PUS7L: variants seen among roughly 807,000 people sequenced by gnomAD.
The protein encoded by PUS7L is pseudouridylate synthase PUS7L.
In PUS7L, 49 loss-of-function variants were observed where a neutral mutation model predicts 51.1. The ratio of observed to expected loss-of-function variants is 0.96; its 90% CI spans 0.76 to 1.22. The LOEUF is 1.22. Ranked by LOEUF, PUS7L falls within the 50% of genes most tolerant of loss-of-function variation. The probability of loss-of-function intolerance (pLI) is 0.00; values close to 1 mark genes in which losing one functional copy is unlikely to be tolerated. For missense variants in PUS7L, 828 were observed against 820.6 expected, an observed-to-expected ratio of 1.01 and a Z score of -0.11; for synonymous variants, 277 against 276.2, an observed-to-expected ratio of 1.00 and a Z score of -0.03.
rs1445531689 is a variant in PUS7L, at chr12:43,746,040, T to C, written c.1263+6A>G. 1.4e-6 allele frequency: 2 copies of C among 1,406,822 alleles called. No individual in the cohort carries two copies. Among genetic ancestry groups the C allele is most frequent in the South Asian group, 2.5e-5 (2 of 80,612 alleles). The allele number at this position is 1,406,822 out of a possible 1,614,324, so 87.1% of individuals were successfully genotyped here. ...CTGGATGCCTTTTAAAATTAAGTTT[T>C]CTTACCTTAACATTTTCTATTGCTT... On this transcript the variant is annotated splice_donor_region_variant and intron_variant, in intron 4 of 8. Coordinates refer to ENST00000344862, the MANE Select transcript of PUS7L (RefSeq NM_031292.5).
At chr12:43,735,244 G>C (rs1944658502) in intron 7 of PUS7L, among the ~76,000 whole-genome samples, 2 of 151,982 alleles carry the variant, frequency 1.3e-5, no homozygotes, top group African/African-American at 2.4e-5. Flanking sequence ...GTGAACCCGG[G>C]AGGCAGAGCT....
chr12:43,753,161 A>G (rs1309889852), intron 2 of PUS7L, among the ~76,000 whole-genome samples: 1 of 152,206 alleles, frequency 6.6e-6, no homozygotes, highest in African/African-American at 2.4e-5. Flanking sequence ...CAAAATGGAT[A>G]TATCTGTTAA....
In PUS7L at chr12:43,728,285, T is replaced by G. The variant is rs2137651463; in HGVS notation, c.*2091A>C. ...GTGATGAAATAAACTTAGTGTTCCT[T>G]TATACACTGCTGAAGTATTTACTAA... On this transcript the variant is annotated 3_prime_UTR_variant, in exon 9 of 9. Transcript: ENST00000344862. 6.6e-6 allele frequency: 1 copy of G among 152,282 alleles called. No individual in the cohort carries two copies. Among genetic ancestry groups the G allele is most frequent in the Non-Finnish European group, 1.5e-5 (1 of 68,000 alleles). 9.4% of individuals were successfully genotyped at this position (152,282 alleles called of 1,614,324 possible). A position where few individuals can be genotyped will look rare whatever the true frequency, so the allele number is the denominator to read the frequency against.
At chr12:43,746,845 G>A (rs9971895) in intron 3 of PUS7L, among the ~76,000 whole-genome samples, 13,511 of 152,034 alleles carry the variant, frequency 0.089, 1,463 homozygotes, top group African/African-American at 0.26. Context: ...AGTTTTTTGC[G>A]TCTGCTAAAA....
In PUS7L at chr12:43,755,160, C is replaced by A. The variant is rs149787201; in HGVS notation, c.86G>T (p.Ser29Ile). ...DHVGFHGTIKSSPSDFIVIEI... is the reference protein window; with the variant it reads ...DHVGFHGTIKISPSDFIVIEI... ...AATAACAATAAAGTCACTTGGTGAG[C>A]TTTTTATAGTGCCATGAAATCCAAC... Residue 29 changes from serine to isoleucine, a missense_variant, in exon 2 of 9, where the codon AGC (serine) becomes ATC (isoleucine). Coordinates refer to ENST00000344862, the MANE Select transcript of PUS7L (RefSeq NM_031292.5). 1,549 of 1,613,072 alleles carry A rather than the reference C, an allele frequency of 9.6e-4. 5 individuals are homozygous for A. The highest frequency in any genetic ancestry group is 6.1e-4 in the Non-Finnish European group (719 of 1,179,336).
Position 43,726,757 on chromosome 12 carries a change from G to A in PUS7L, c.*3619C>T, listed in dbSNP as rs1161198959. The A allele has an allele frequency of 5.3e-5, 8 of 152,096 alleles. No homozygotes were observed. The highest frequency in any genetic ancestry group is 1.9e-4 in the African/African-American group (8 of 41,470). The allele number at this position is 152,096 out of a possible 1,614,324, so 9.4% of individuals were successfully genotyped here. On this transcript the variant is annotated 3_prime_UTR_variant, in exon 9 of 9. Coordinates refer to ENST00000344862, the MANE Select transcript of PUS7L (RefSeq NM_031292.5). ...GCAGGAGAATGGCTTGAACCCAGGAGGAGGAGGTTGCAGTGAGCCGAGATT... is the reference window on the plus strand; with the variant it reads ...GCAGGAGAATGGCTTGAACCCAGGAAGAGGAGGTTGCAGTGAGCCGAGATT...
Position 43,748,610 on chromosome 12 carries a change from C to A in PUS7L, c.911-1G>T, listed in dbSNP as rs1189620423. 6.4e-7 allele frequency: 1 copy of A among 1,570,154 alleles called. No individual in the cohort carries two copies. Among genetic ancestry groups the A allele is most frequent in the Admixed American group, 2.2e-5 (1 of 46,344 alleles). The stretch of plus-strand genomic sequence containing the variant: ...AGGTTTTCCTTTCGTAGGGTAAAAG[C>A]TGAAACAAAAAAAAAACTTAGATCA... On this transcript the variant is annotated splice_acceptor_variant, in intron 2 of 8. Coordinates refer to ENST00000344862, the MANE Select transcript of PUS7L (RefSeq NM_031292.5). LOFTEE classifies it high-confidence loss of function.
intron 5 of PUS7L, chr12:43,740,966 A>ACTG (rs1937871521): frequency 6.6e-6 from 1 of 152,168 alleles, no homozygotes; most frequent in Non-Finnish European, 1.5e-5. Context: ...CAATTGTGTG[A>ACTG]CTGCAGCCTC....
intron 6 of PUS7L, 165 bp from the exon 7 acceptor site, chr12:43,736,826 A>G (rs1944705377): frequency 1.7e-6 from 1 of 576,312 alleles, no homozygotes; most frequent in Non-Finnish European, 3.0e-6. Context: ...AAAAAAAATA[A>G]TAAGCATAAT....
chr12:43,751,022 C>T (rs377500070), intron 2 of PUS7L, among the ~76,000 whole-genome samples: 4 of 152,136 alleles, frequency 2.6e-5, no homozygotes, highest in South Asian at 4.1e-4. Context: ...TTTATTGTTG[C>T]GTAACAAGTC....
In PUS7L at chr12:43,754,364, T is replaced by G. The variant is rs1407999398; in HGVS notation, c.882A>C (p.Glu294Asp). 6.3e-7 allele frequency: 1 copy of G among 1,598,830 alleles called. No homozygotes were observed. Residue 294 changes from glutamate to aspartate, a missense_variant, in exon 2 of 9, where the codon GAA (glutamate) becomes GAC (aspartate). Transcript: ENST00000344862. ...AHKRGKRPLS[E>D]CQEGKVIYTA... ...TATATATAACTTTTCCTTCTTGGCA[T>G]TCAGAAAGAGGCCTTTTCCCACGTT...
In PUS7L at chr12:43,730,300, G is replaced by C. The variant is rs1173027601; in HGVS notation, c.*76C>G. The C allele has an allele frequency of 2.0e-6, 2 of 1,001,232 alleles. No individual in the cohort carries two copies. Among genetic ancestry groups the C allele is most frequent in the Non-Finnish European group, 3.0e-6 (2 of 665,802 alleles). 62.0% of individuals were successfully genotyped at this position (1,001,232 alleles called of 1,614,324 possible). ...AACAATTATGAAGTTCCTAACACAT[G>C]GAAGGTGCTTAAGACATTTTAGCCC... On this transcript the variant is annotated 3_prime_UTR_variant, in exon 9 of 9. Coordinates refer to ENST00000344862, the MANE Select transcript of PUS7L (RefSeq NM_031292.5).
chr12:43,726,947 A>G lies in PUS7L; in HGVS notation c.*3429T>C, dbSNP rs1272743054. Reference sequence around the variant, plus strand: ...GAATGGGAGAGAATATTTTCAAAGTATGCATGAACAAAGGTCTGATATCCA... The same window carrying G: ...GAATGGGAGAGAATATTTTCAAAGTGTGCATGAACAAAGGTCTGATATCCA... On this transcript the variant is annotated 3_prime_UTR_variant, in exon 9 of 9. Coordinates refer to ENST00000344862, the MANE Select transcript of PUS7L (RefSeq NM_031292.5). 6.6e-6 allele frequency: 1 copy of G among 152,348 alleles called. No homozygotes were observed. Among genetic ancestry groups the G allele is most frequent in the Non-Finnish European group, 1.5e-5 (1 of 68,034 alleles). The allele number at this position is 152,348 out of a possible 1,614,324, so 9.4% of individuals were successfully genotyped here.
At chr12:43,754,143 A>G (rs1030424897) in intron 2 of PUS7L, among the ~76,000 whole-genome samples, 193 bp downstream of exon 2, 3 of 152,204 alleles carry the variant, frequency 2.0e-5, no homozygotes, top group African/African-American at 7.2e-5. Flanking sequence ...AAAAGGTTTT[A>G]TCATCTTCTA....
chr12:43,734,413 C>T (rs1483796256), intron 7 of PUS7L, among the ~76,000 whole-genome samples: 2 of 152,134 alleles, frequency 1.3e-5, no homozygotes, highest in African/African-American at 4.8e-5. Flanking sequence ...CCAAATACAG[C>T]TGCGCCTGAA....
Position 43,754,431 on chromosome 12 carries a change from G to T in PUS7L, c.815C>A (p.Pro272Gln). ...AAATCTTACTGTTACCACCACATTC[G>T]GATTACCAGCACTGCAATTCATTTT... ...FSKMNCSAGN[P>Q]NVVVTVRFRE... is the part of the protein sequence containing the mutation. Residue 272 changes from proline (P) to glutamine (Q), a missense_variant, in exon 2 of 9, where the codon CCG (proline) becomes CAG (glutamine). Coordinates refer to ENST00000344862, the MANE Select transcript of PUS7L (RefSeq NM_031292.5). The T allele has an allele frequency of 6.2e-7, 1 of 1,613,544 alleles. No individual in the cohort carries two copies. The highest frequency in any genetic ancestry group is 8.5e-7 in the Non-Finnish European group (1 of 1,179,696).
intron 5 of PUS7L, 25 bp from the exon 6 acceptor site, chr12:43,738,416 T>C (rs746919858): frequency 4.1e-6 from 5 of 1,222,588 alleles, no homozygotes; most frequent in Admixed American, 3.7e-5. Context: ...CAGGTAAACA[T>C]GTGTTAATGA....
intron 5 of PUS7L, chr12:43,741,058 T>C (rs1937875208): frequency 6.6e-6 from 1 of 152,182 alleles, no homozygotes; most frequent in Non-Finnish European, 1.5e-5. Context: ...TAAATGCTTG[T>C]TGTCTTCAAC....
intron 7 of PUS7L, 25 bp downstream of exon 7, chr12:43,736,356 A>G (rs920116763): frequency 2.6e-5 from 42 of 1,601,982 alleles, no homozygotes; most frequent in Non-Finnish European, 3.6e-5. Context: ...CTACTCTTGG[A>G]AAACTCTGAT....
Sources: gnomAD v4.1 joint callset for allele counts (sites outside exome capture counted in the v4.1 genomes callset) on GRCh38, gnomAD v4.1.1 for gene constraint, MANE v1.5 for transcripts, NCBI Gene and HGNC (gene_info 2026-07-23, HGNC 2026-07-21) for gene names.